The following LRRK1 variants were observed in gnomAD, a reference collection of about 807,000 sequenced individuals.
LRRK1 encodes the protein leucine-rich repeat serine/threonine-protein kinase 1.
In LRRK1, 113 loss-of-function variants were observed where a neutral mutation model predicts 209.1. The observed-to-expected ratio is 0.54, with a 90% CI of 0.46 to 0.63. LRRK1 has a LOEUF of 0.63. Among genes scored for constraint, LRRK1 ranks in the 30% least tolerant of loss-of-function variants. The pLI is 0.00. For missense variants in LRRK1, 2,284 were observed against 2,632.2 expected, an observed-to-expected ratio of 0.87 and a Z score of 2.89; for synonymous variants, 1,144 against 1,099.7, an observed-to-expected ratio of 1.04 and a Z score of -0.80.
rs76852183 is a variant in LRRK1, at chr15:100,979,955, G to C, written c.262-3573G>C. On this transcript the variant is annotated intron_variant, in intron 3 of 33. Coordinates refer to ENST00000388948, the MANE Select transcript of LRRK1 (RefSeq NM_024652.6). ...AAATTCAGATTGGGATGCAGAGAAGGGGTATCTCTAATGTGTTGCCACTGA... is the reference window on the plus strand; with the variant it reads ...AAATTCAGATTGGGATGCAGAGAAGCGGTATCTCTAATGTGTTGCCACTGA... 7.8e-3 allele frequency among the ~76,000 whole-genome samples: 1,193 copies of C among 152,192 alleles called. 17 individuals carry two copies. Among genetic ancestry groups the C allele is most frequent in the African/African-American group, 0.028 (1,145 of 41,520 alleles).
At chr15:101,047,533 C>T (rs1168189170) in intron 21 of LRRK1, among the ~76,000 whole-genome samples, 1 of 152,172 alleles carries the variant, frequency 6.6e-6, no homozygotes, top group Non-Finnish European at 1.5e-5. Context: ...TTCCCTCACT[C>T]GAAGTTAGGA....
intron 4 of LRRK1, among the ~76,000 whole-genome samples, chr15:100,984,096 G>A (rs925272880): frequency 9.9e-5 from 15 of 152,268 alleles, no homozygotes; most frequent in Non-Finnish European, 1.0e-4. Context: ...GAATATCTAG[G>A]TAAGAGAGAC....
At chr15:100,926,773 C>T (rs2042123761) in intron 2 of LRRK1, among the ~76,000 whole-genome samples, 2 of 147,770 alleles carry the variant, frequency 1.4e-5, no homozygotes, top group South Asian at 4.3e-4. Flanking sequence ...CAACTTCCAC[C>T]TCCCAGGTTC....
At chr15:101,050,441 A>G (rs2035350380) in intron 23 of LRRK1, among the ~76,000 whole-genome samples, 1 of 152,160 alleles carries the variant, frequency 6.6e-6, no homozygotes, top group Non-Finnish European at 1.5e-5. Context: ...TAATGGGGCA[A>G]GCAGCTGTGG....
intron 12 of LRRK1, among the ~76,000 whole-genome samples, chr15:101,015,919 T>C (rs890001674): frequency 3.9e-5 from 6 of 152,226 alleles, no homozygotes; most frequent in East Asian, 1.9e-4. Flanking sequence ...GAGGGCCTTC[T>C]TCCTGGCATC....
At chr15:100,958,748 C>T (rs1026489302) in intron 2 of LRRK1, among the ~76,000 whole-genome samples, 1 of 152,150 alleles carries the variant, frequency 6.6e-6, no homozygotes, top group Non-Finnish European at 1.5e-5. Context: ...ACAATAACCC[C>T]TCTGAAGTAG....
chr15:101,039,321 C>T (rs1055055236), intron 20 of LRRK1, among the ~76,000 whole-genome samples: 5 of 152,140 alleles, frequency 3.3e-5, no homozygotes, highest in Non-Finnish European at 7.4e-5. Context: ...AGATTTTCTG[C>T]ATCTTTTGTT....
intron 3 of LRRK1, among the ~76,000 whole-genome samples, chr15:100,975,799 A>G (rs1443207936): frequency 6.6e-6 from 1 of 152,222 alleles, no homozygotes; most frequent in Non-Finnish European, 1.5e-5. Context: ...GAAACAGCAA[A>G]ATAAAGGTAA....
At chr15:101,023,093 G>A (rs990471319) in intron 15 of LRRK1, among the ~76,000 whole-genome samples, 8 of 152,136 alleles carry the variant, frequency 5.3e-5, no homozygotes, top group African/African-American at 1.7e-4. Flanking sequence ...GCTAACCACT[G>A]TTGCAGGCAG....
chr15:101,051,847 C>A lies in LRRK1; in HGVS notation c.3576C>A (p.Asp1192Glu), dbSNP rs760991902. The change falls in exon 24 of 34, where the codon GAC becomes GAA. Residue 1192 changes from aspartate to glutamate, a missense_variant. By Grantham distance (45) the Asp-to-Glu change is conservative. This residue lies in a region of LRRK1 where 780 missense variants were observed against 985.2 expected (regional missense o/e 0.79). Coordinates refer to ENST00000388948, the MANE Select transcript of LRRK1 (RefSeq NM_024652.6). ...SEDVQYFDME[D>E]CVLTAIERDF... Reference sequence around the variant, plus strand: ...ATGTGCAGTACTTCGACATGGAAGACTGTGTCCTGACGGCCATCGAGCGGG... The same window carrying A: ...ATGTGCAGTACTTCGACATGGAAGAATGTGTCCTGACGGCCATCGAGCGGG... The A allele has an allele frequency of 6.2e-7, 1 of 1,614,180 alleles. No homozygotes were observed. The highest frequency in any genetic ancestry group is 1.7e-5 in the Admixed American group (1 of 60,038).
chr15:101,021,005 G>A (rs1234660671), intron 12 of LRRK1, 48 bp from the exon 13 acceptor site: 6 of 1,609,378 alleles, frequency 3.7e-6, no homozygotes, highest in Non-Finnish European at 3.4e-6. Context: ...ACGCTGTGAC[G>A]GTCCAGAATT....
chr15:101,012,201 G>C, intron 10 of LRRK1, 56 bp downstream of exon 10: 1 of 1,431,282 alleles, frequency 7.0e-7, no homozygotes, highest in Non-Finnish European at 9.6e-7. Flanking sequence ...AAATTGCTCC[G>C]TGTTGCAGTG....
chr15:101,052,777 T>C, intron 24 of LRRK1, 145 bp from the exon 25 acceptor site: 1 of 911,578 alleles, frequency 1.1e-6, no homozygotes. Context: ...CACCCACAAG[T>C]GGCAGGGCCG....
intron 2 of LRRK1, among the ~76,000 whole-genome samples, chr15:100,947,474 C>A (rs2042565323): frequency 6.6e-6 from 1 of 152,034 alleles, no homozygotes; most frequent in Non-Finnish European, 1.5e-5. Context: ...TCGTTTTGTT[C>A]TACTTTATAT....
chr15:101,005,171 C>T (rs1471698304), intron 6 of LRRK1, among the ~76,000 whole-genome samples: 1 of 152,088 alleles, frequency 6.6e-6, no homozygotes, highest in Non-Finnish European at 1.5e-5. Context: ...TCTGTGAATC[C>T]AGGAAGGAGA....
At chr15:100,967,540 CCTGGG>C (rs373642221) in intron 2 of LRRK1, among the ~76,000 whole-genome samples, 106,662 of 151,830 alleles carry the variant, frequency 0.7, 37,814 homozygotes, top group Middle Eastern at 0.76. Context: ...CAGGATTTTT[CCTGGG>C]AGCAGGATTT....
chr15:101,045,173 CT>C (rs1304515441), intron 20 of LRRK1, among the ~76,000 whole-genome samples: 2 of 152,232 alleles, frequency 1.3e-5, no homozygotes, highest in Non-Finnish European at 2.9e-5. Flanking sequence ...TTTAGGGAGT[CT>C]TTTCCAGAAA....
chr15:101,010,487 CA>C lies in LRRK1; in HGVS notation c.1028del (p.His343ProfsTer15). On this transcript the variant is annotated frameshift_variant, in exon 8 of 34. Transcript: ENST00000388948. LOFTEE classifies it high-confidence loss of function. ...EIDISSNKLS[H>X]LPPGFLHLSK... ...TGACATTTCCAGCAACAAGTTGTCC[CA>C]CCTCCCTCCTGGATTCTTGCACCTC... 1 of 1,612,038 alleles carries C rather than the reference CA, an allele frequency of 6.2e-7. No homozygotes were observed. The highest frequency in any genetic ancestry group is 8.5e-7 in the Non-Finnish European group (1 of 1,179,520).
chr15:101,011,741 C>G (rs936508931), intron 9 of LRRK1, among the ~76,000 whole-genome samples: 1 of 151,546 alleles, frequency 6.6e-6, no homozygotes, highest in African/African-American at 2.4e-5. Flanking sequence ...CCATTATTTC[C>G]AAGGACAATG....
Sources: allele counts gnomAD v4.1 joint callset (sites outside exome capture counted in the v4.1 genomes callset), GRCh38; gene constraint gnomAD v4.1.1; regional missense constraint gnomAD v4.1.1; transcripts MANE v1.5; gene names NCBI Gene and HGNC (gene_info 2026-07-23, HGNC 2026-07-21).